The following GRIK4 variants were observed in gnomAD, a reference collection of about 807,000 sequenced individuals.
GRIK4 encodes the protein glutamate ionotropic receptor kainate type subunit 4, also known as glutamate receptor ionotropic, kainate 4.
In GRIK4, 40 loss-of-function variants were observed where a neutral mutation model predicts 104.9. That is an observed-to-expected ratio of 0.38 (90% CI 0.30 to 0.50). The LOEUF is 0.50. GRIK4 is among the 20% of genes least tolerant of loss of function. The probability of loss-of-function intolerance (pLI) is 0.93; values close to 1 mark genes in which losing one functional copy is unlikely to be tolerated. For synonymous variants in GRIK4, 485 were observed against 524.9 expected, an observed-to-expected ratio of 0.92 and a Z score of 1.04; for missense variants, 1,047 against 1,308.1, an observed-to-expected ratio of 0.80 and a Z score of 3.08.
intron 3 of GRIK4, among the ~76,000 whole-genome samples, chr11:120,713,276 G>GT (rs1950770876): frequency 6.6e-6 from 1 of 152,158 alleles, no homozygotes; most frequent in African/African-American, 2.4e-5. Context: ...CTGTTCATTG[G>GT]TTGTTTGGAT....
At chr11:120,896,565 T>C (rs1942587785) in intron 11 of GRIK4, among the ~76,000 whole-genome samples, 1 of 152,196 alleles carries the variant, frequency 6.6e-6, no homozygotes, top group African/African-American at 2.4e-5. Context: ...TGCCTGGAAC[T>C]GGAGGCCCAC....
chr11:120,730,972 C>A (rs1446272887), intron 3 of GRIK4, among the ~76,000 whole-genome samples: 1 of 152,206 alleles, frequency 6.6e-6, no homozygotes, highest in Non-Finnish European at 1.5e-5. Flanking sequence ...GTGGAGTCTT[C>A]AGGTTTTTCC....
At chr11:120,791,261 A>G (rs1303955686) in intron 3 of GRIK4, among the ~76,000 whole-genome samples, 6 of 152,160 alleles carry the variant, frequency 3.9e-5, no homozygotes, top group African/African-American at 1.4e-4. Context: ...TATCCATGTC[A>G]GCAATTGGTA....
intron 3 of GRIK4, among the ~76,000 whole-genome samples, chr11:120,787,707 C>G (rs1047629139): frequency 6.6e-6 from 1 of 151,978 alleles, no homozygotes; most frequent in Admixed American, 6.5e-5. Flanking sequence ...ACGTGATCCA[C>G]CTGCCTTGGC....
chr11:120,823,099 GGTT>G (rs201565506), intron 6 of GRIK4, among the ~76,000 whole-genome samples: 1,779 of 152,290 alleles, frequency 0.012, 25 homozygotes, highest in African/African-American at 0.038. Flanking sequence ...TACACAGCGG[GGTT>G]GTTAAGAGAC....
chr11:120,664,893 G>A (rs1431190851), intron 3 of GRIK4, among the ~76,000 whole-genome samples: 2 of 152,158 alleles, frequency 1.3e-5, no homozygotes, highest in Non-Finnish European at 2.9e-5. Context: ...AGACACATCA[G>A]CAGGTTATTG....
At chr11:120,985,173 GGA>G (rs755597321) in intron 20 of GRIK4, among the ~76,000 whole-genome samples, 8 of 152,136 alleles carry the variant, frequency 5.3e-5, no homozygotes, top group Non-Finnish European at 1.2e-4. Flanking sequence ...TAAAAAGCTT[GGA>G]GAGTTCCAAG....
At chr11:120,667,299 T>G (rs1406672272) in intron 3 of GRIK4, among the ~76,000 whole-genome samples, 1 of 152,268 alleles carries the variant, frequency 6.6e-6, no homozygotes, top group Non-Finnish European at 1.5e-5. Context: ...ATAAGCCAGG[T>G]AGGACATAAG....
intron 3 of GRIK4, among the ~76,000 whole-genome samples, chr11:120,687,188 A>G (rs1377582432): frequency 2.0e-5 from 3 of 152,246 alleles, no homozygotes; most frequent in African/African-American, 7.2e-5. Context: ...TTTGACAGAT[A>G]TGGAAACCAA....
At chr11:120,977,001 CT>C (rs372258919) in intron 19 of GRIK4, among the ~76,000 whole-genome samples, 160 of 152,320 alleles carry the variant, frequency 1.1e-3, no homozygotes, top group African/African-American at 3.7e-3. Flanking sequence ...ATTCACATCT[CT>C]TCACAGGTGC....
At chr11:120,640,413 A>C (rs1949455814) in intron 1 of GRIK4, among the ~76,000 whole-genome samples, 1 of 152,190 alleles carries the variant, frequency 6.6e-6, no homozygotes, top group African/African-American at 2.4e-5. Context: ...TTCAAGGTGG[A>C]AAGAAATTGA....
intron 3 of GRIK4, among the ~76,000 whole-genome samples, chr11:120,777,804 G>A (rs770815050): frequency 1.9e-4 from 29 of 152,236 alleles, no homozygotes; most frequent in Middle Eastern, 3.4e-3. Context: ...GGGCATGATG[G>A]CACGCATCTG....
At chr11:120,668,277 AAGAG>A (rs768898604) in intron 3 of GRIK4, among the ~76,000 whole-genome samples, 40 of 151,824 alleles carry the variant, frequency 2.6e-4, no homozygotes, top group African/African-American at 7.5e-4. Flanking sequence ...AGAAAGAAAA[AAGAG>A]AGAAAGAGAG....
At chr11:120,715,451 C>T (rs1259626876) in intron 3 of GRIK4, among the ~76,000 whole-genome samples, 2 of 152,154 alleles carry the variant, frequency 1.3e-5, no homozygotes, top group African/African-American at 4.8e-5. Context: ...ATGAACCCCC[C>T]TAGAGGTTGT....
chr11:120,599,461 C>T (rs971048774), intron 1 of GRIK4, among the ~76,000 whole-genome samples: 3 of 152,178 alleles, frequency 2.0e-5, no homozygotes, highest in Non-Finnish European at 4.4e-5. Flanking sequence ...CTGGACTTAA[C>T]AGAGTTTCCG....
intron 2 of GRIK4, among the ~76,000 whole-genome samples, chr11:120,658,930 A>G (rs549937122): frequency 6.6e-6 from 1 of 151,562 alleles, no homozygotes; most frequent in Non-Finnish European, 1.5e-5. Context: ...TTGTATTTTT[A>G]GTAGAGATGG....
chr11:120,876,175 CCCACCATCATCATCACCACTACAACCA>C (rs1361825795), intron 11 of GRIK4, among the ~76,000 whole-genome samples: 3 of 130,548 alleles, frequency 2.3e-5, no homozygotes, highest in African/African-American at 2.9e-5. Flanking sequence ...CATCACCACC[CCCACCATCATCATCACCACTACAACCA>C]CCACCATCAT....
At chr11:120,533,223 T>C (rs973249547) in intron 1 of GRIK4, among the ~76,000 whole-genome samples, 4 of 152,156 alleles carry the variant, frequency 2.6e-5, no homozygotes, top group Non-Finnish European at 5.9e-5. Context: ...AAAGCACATG[T>C]CACAGCTGGG....
chr11:120,753,211 T>G (rs927276453), intron 3 of GRIK4, among the ~76,000 whole-genome samples: 5 of 152,104 alleles, frequency 3.3e-5, no homozygotes, highest in Non-Finnish European at 7.4e-5. Flanking sequence ...AAGAATTTGG[T>G]GCGGAGCCTG....
Sources: allele counts gnomAD v4.1 joint callset (sites outside exome capture counted in the v4.1 genomes callset), GRCh38; gene constraint gnomAD v4.1.1; transcripts MANE v1.5; gene names NCBI Gene and HGNC (gene_info 2026-07-23, HGNC 2026-07-21).